Variants in GBP3 observed in about 807,000 individuals in gnomAD.
GBP3 encodes guanylate binding protein 3.
GBP3 carries 55 observed loss-of-function variants against 62.4 expected under a neutral mutation model. That is an observed-to-expected ratio of 0.88 (90% CI 0.71 to 1.10). GBP3 has a LOEUF of 1.10. GBP3 is among the 50% of genes least tolerant of loss of function. The pLI is 0.00. For synonymous variants in GBP3, 208 were observed against 259.2 expected, an observed-to-expected ratio of 0.80 and a Z score of 1.90; for missense variants, 605 against 690.6, an observed-to-expected ratio of 0.88 and a Z score of 1.39.
At chr1:89,019,921 A>G (rs139496580) in intron 2 of GBP3, among the ~76,000 whole-genome samples, 2 of 152,360 alleles carry the variant, frequency 1.3e-5, no homozygotes, top group African/African-American at 4.8e-5. Flanking sequence ...ATATTTTTTA[A>G]AACAATAAAC....
At chr1:89,022,065 G>T (rs997788268) in intron 1 of GBP3, among the ~76,000 whole-genome samples, 2 of 144,932 alleles carry the variant, frequency 1.4e-5, no homozygotes, top group African/African-American at 5.2e-5. Context: ...AAAAAAAAAA[G>T]AAGAAAAAAA....
chr1:89,013,146 G>T (rs769280803), intron 6 of GBP3, 39 bp downstream of exon 6: 2 of 1,598,506 alleles, frequency 1.3e-6, no homozygotes, highest in Non-Finnish European at 1.7e-6. Flanking sequence ...CCATCCTTTA[G>T]TTTTAACAAT....
intron 9 of GBP3, 76 bp from the exon 10 acceptor site, chr1:89,009,216 T>G: frequency 6.7e-7 from 1 of 1,485,176 alleles, no homozygotes. Context: ...CCCTCCATTG[T>G]TGCTGCTGAC....
chr1:89,020,412 C>A (rs1017986113), intron 2 of GBP3, 120 bp downstream of exon 2: 1 of 1,173,978 alleles, frequency 8.5e-7, no homozygotes, highest in Non-Finnish European at 1.3e-6. Context: ...AGGAGCCCAA[C>A]TGTGAATGGA....
Position 89,009,392 on chromosome 1 carries a change from C to CT in GBP3, c.1464dup (p.Val489SerfsTer7). On this transcript the variant is annotated frameshift_variant and splice_region_variant, in exon 9 of 11. Transcript: ENST00000370481. LOFTEE classifies it high-confidence loss of function. ...TCTGATCCTTTGACTTGCTCCTCAC[C>CT]TTCAATCTCCTTTTCCTTTTCTGTG... 1 of 1,613,560 alleles carries CT rather than the reference C, an allele frequency of 6.2e-7. No individual in the cohort carries two copies. Among genetic ancestry groups the CT allele is most frequent in the Non-Finnish European group, 8.5e-7 (1 of 1,179,510 alleles).
At chr1:89,018,697 A>T (rs931433723) in intron 2 of GBP3, among the ~76,000 whole-genome samples, 3 of 152,216 alleles carry the variant, frequency 2.0e-5, no homozygotes, top group African/African-American at 7.2e-5. Context: ...TTAAAGAATT[A>T]CTTCATCCCC....
chr1:89,010,928 A>G lies in GBP3; in HGVS notation c.1338T>C (p.Tyr446=). 1 of 1,461,798 alleles carries G rather than the reference A, an allele frequency of 6.8e-7. No homozygotes were observed. The highest frequency in any genetic ancestry group is 9.5e-7 in the Non-Finnish European group (1 of 1,055,192). The allele number at this position is 1,461,798 out of a possible 1,614,324, so 90.6% of individuals were successfully genotyped here. ...CCTGTATCCCCTTCCTTGGTTCCTC[A>G]TAGTACTTTTTCTCCAGGTCTTGTA... ...QKLQDLEKKY[Y]EEPRKGIQAE... The change falls in exon 8 of 11, where the codon TAT becomes TAC. Residue 446 remains tyrosine, a synonymous_variant. Transcript: ENST00000370481.
intron 1 of GBP3, among the ~76,000 whole-genome samples, chr1:89,021,866 T>C (rs1679254489): frequency 9.5e-6 from 1 of 104,868 alleles, no homozygotes; most frequent in South Asian, 3.2e-4. Context: ...GACAAGGTGA[T>C]GAGTGAAGCT....
chr1:89,020,698 T>C lies in GBP3; in HGVS notation c.24A>G (p.Thr8=). The C allele has an allele frequency of 6.2e-7, 1 of 1,614,084 alleles. No individual in the cohort carries two copies. Among genetic ancestry groups the C allele is most frequent in the South Asian group, 1.1e-5 (1 of 91,084 alleles). The part of the protein sequence containing the change: MAPEIHM[T]GPMCLIENTN... ...TGTTCTCAATGAGGCACATTGGGCC[T>C]GTCATGTGGATCTCTGGAGCCATGT... is the stretch of plus-strand genomic sequence containing the variant. Residue 8 remains threonine, a synonymous_variant, in exon 2 of 11, where the codon ACA becomes ACG. Transcript: ENST00000370481.
chr1:89,008,943 A>G lies in GBP3; in HGVS notation c.1659+4T>C, dbSNP rs1300724404. ...ACGAACCACAAGGTGATGCATTTGG[A>G]TACCTGAAGTTTACTAGTGAGGGTC... On this transcript the variant is annotated splice_donor_region_variant and intron_variant, in intron 10 of 10. Coordinates refer to ENST00000370481, the MANE Select transcript of GBP3 (RefSeq NM_018284.3). The G allele has an allele frequency of 1.2e-6, 2 of 1,614,030 alleles. No individual in the cohort carries two copies. The highest frequency in any genetic ancestry group is 1.7e-6 in the Non-Finnish European group (2 of 1,179,892).
rs146229731 is a variant in GBP3 at position 89,021,788 on chromosome 1, T to TGAGAGAGAGAGAGAGAGAGA, written c.-23+876_-23+895dup. ...GGACGAGGAGAAAGGGCTGGAAAGA[T>TGAGAGAGAGAGAGAGAGAGA]GAGAGAGAGAGAGAGAGAGAGAGAG... is the stretch of plus-strand genomic sequence containing the variant. On this transcript the variant is annotated intron_variant, in intron 1 of 10. Transcript: ENST00000370481. 3.5e-4 allele frequency among the ~76,000 whole-genome samples: 23 copies of TGAGAGAGAGAGAGAGAGAGA among 65,358 alleles called. 2 individuals carry two copies. Among genetic ancestry groups the TGAGAGAGAGAGAGAGAGAGA allele is most frequent in the Admixed American group, 1.1e-3 (5 of 4,622 alleles). 42.9% of individuals were successfully genotyped at this position (65,358 alleles called of 152,430 possible).
rs775495318 is a variant in GBP3, at chr1:89,013,282, G to T, written c.771C>A (p.Asp257Glu). Residue 257 changes from aspartate to glutamate, a missense_variant, in exon 6 of 11, where the codon GAC (aspartate) becomes GAA (glutamate). Around this residue, in one of 3 missense-constraint regions of GBP3, gnomAD observed 308 missense variants for 318.0 expected, o/e 0.97. Transcript: ENST00000370481. Reference sequence around the variant, plus strand: ...CTGCTACTTGTTGCACAAATTCAGGGTCCAGCTCTTCATCTTGTAGTTTCT... The same window carrying T: ...CTGCTACTTGTTGCACAAATTCAGGTTCCAGCTCTTCATCTTGTAGTTTCT... ...QLEKLQDEEL[D>E]PEFVQQVADF... 31 of 1,614,066 alleles carry T rather than the reference G, an allele frequency of 1.9e-5. No homozygotes were observed. Among genetic ancestry groups the T allele is most frequent in the Non-Finnish European group, 2.5e-5 (30 of 1,180,042 alleles).
chr1:89,009,306 C>A, intron 9 of GBP3, 86 bp downstream of exon 9: 1 of 1,469,168 alleles, frequency 6.8e-7, no homozygotes, highest in South Asian at 1.2e-5. Context: ...TTTATCCAGT[C>A]AAATTATTTA....
At chr1:89,008,901 A>G in intron 10 of GBP3, 46 bp downstream of exon 10, 1 of 1,613,398 alleles carries the variant, frequency 6.2e-7, no homozygotes. Context: ...CAGGAAGAAC[A>G]GAGAGAAAAC....
Position 89,020,633 on chromosome 1 carries a change from A to AT in GBP3, c.88dup (p.Ile30AsnfsTer34), listed in dbSNP as rs751241277. 34 of 1,613,936 alleles carry AT rather than the reference A, an allele frequency of 2.1e-5. No individual in the cohort carries two copies. In the African/African-American group the frequency reaches 4.4e-4, roughly 21 times the overall value. On this transcript the variant is annotated frameshift_variant, in exon 2 of 11. Transcript: ENST00000370481. LOFTEE classifies it high-confidence loss of function. ...CACAGGCTGTGTAATGGCAGACAGGATTTTCAGAGCTTCTGGATTCGCCAC... is the reference window on the plus strand; with the variant it reads ...CACAGGCTGTGTAATGGCAGACAGGATTTTTCAGAGCTTCTGGATTCGCCAC...
At chr1:89,019,416 G>A (rs1020394340) in intron 2 of GBP3, among the ~76,000 whole-genome samples, 1 of 152,214 alleles carries the variant, frequency 6.6e-6, no homozygotes, top group African/African-American at 2.4e-5. Flanking sequence ...AGCCTCCTGA[G>A]TAGCTGGGAT....
In GBP3 at chr1:89,013,251, A is replaced by G. The variant is rs754595573; in HGVS notation, c.802T>C (p.Cys268Arg). Residue 268 changes from cysteine (C) to arginine (R), a missense_variant, in exon 6 of 11, where the codon TGT (cysteine) becomes CGT (arginine). This residue lies in a region of GBP3 where 308 missense variants were observed against 318.0 expected (regional missense o/e 0.97). Transcript: ENST00000370481. The stretch of plus-strand genomic sequence containing the variant: ...TTGGAATTGCTAAAGATGTAGGAAC[A>G]GAAGTCTGCTACTTGTTGCACAAAT... ...PEFVQQVADFCSYIFSNSKTK... is the reference protein window; with the variant it reads ...PEFVQQVADFRSYIFSNSKTK... 6.2e-7 allele frequency: 1 copy of G among 1,614,110 alleles called. No homozygotes were observed. The highest frequency in any genetic ancestry group is 8.5e-7 in the Non-Finnish European group (1 of 1,180,048).
intron 8 of GBP3, among the ~76,000 whole-genome samples, chr1:89,010,005 G>C (rs1372693726): frequency 6.6e-6 from 1 of 152,064 alleles, no homozygotes; most frequent in Non-Finnish European, 1.5e-5. Flanking sequence ...TTGGGTTTCT[G>C]TCTCTTGGAA....
intron 2 of GBP3, among the ~76,000 whole-genome samples, chr1:89,018,311 T>A (rs551293363): frequency 6.6e-6 from 1 of 152,194 alleles, no homozygotes; most frequent in East Asian, 1.9e-4. Flanking sequence ...AAGATTCCTA[T>A]CCCAGAAAAG....
Sources: gnomAD v4.1 joint callset for allele counts (sites outside exome capture counted in the v4.1 genomes callset) on GRCh38, gnomAD v4.1.1 for gene constraint, gnomAD v4.1.1 regional missense constraint, MANE v1.5 for transcripts, NCBI Gene and HGNC (gene_info 2026-07-23, HGNC 2026-07-21) for gene names.